The following BCAS3 variants were observed in gnomAD, a reference collection of about 807,000 sequenced individuals.
BCAS3 encodes the protein BCAS3 microtubule associated cell migration factor.
In BCAS3, 53 loss-of-function variants were observed where a neutral mutation model predicts 116.1. That is an observed-to-expected ratio of 0.46 (90% CI 0.37 to 0.57). The LOEUF (loss-of-function observed/expected upper bound fraction) is 0.57, where lower values mean the gene tolerates loss of function less well. BCAS3 is among the 20% of genes least tolerant of loss of function. The probability of loss-of-function intolerance (pLI) is 0.00; values close to 1 mark genes in which losing one functional copy is unlikely to be tolerated. For synonymous variants in BCAS3, 391 were observed against 408.2 expected, an observed-to-expected ratio of 0.96 and a Z score of 0.51; for missense variants, 917 against 1,165.4, an observed-to-expected ratio of 0.79 and a Z score of 3.10.
rs113341040 is a variant in BCAS3 at position 61,250,711 on chromosome 17, A to G, written c.2426-117616A>G. Among the ~76,000 whole-genome samples the G allele has an allele frequency of 2.1e-3, 319 of 152,274 alleles. 2 individuals are homozygous for G. Among genetic ancestry groups the G allele is most frequent in the African/African-American group, 7.3e-3 (302 of 41,554 alleles). ...CCCATGTACATGCTGTGAGTATGTG[A>G]CCTAGAAACCAGGCTTTTTTAAGCT... On this transcript the variant is annotated intron_variant, in intron 22 of 23. Transcript: ENST00000407086.
In BCAS3 at chr17:61,339,383, A is replaced by T. The variant is rs2056973740; in HGVS notation, c.2426-28944A>T. ...ATGGGAAGGCCCATGAAGCCGCCTA[A>T]AGGAGCTCAAACTAGCATTTCCCTT... On this transcript the variant is annotated intron_variant, in intron 22 of 23. Coordinates refer to ENST00000407086, the MANE Select transcript of BCAS3 (RefSeq NM_017679.5). The surrounding 1 kb of genome is among the most constrained non-coding windows in gnomAD (Gnocchi z 4.4). Among the ~76,000 whole-genome samples the T allele has an allele frequency of 6.6e-6, 1 of 152,188 alleles. No homozygotes were observed. The highest frequency in any genetic ancestry group is 6.5e-5 in the Admixed American group (1 of 15,278).
chr17:60,973,533 G>A (rs949412097), intron 14 of BCAS3, among the ~76,000 whole-genome samples: 10 of 150,350 alleles, frequency 6.7e-5, no homozygotes, highest in African/African-American at 9.9e-5. Flanking sequence ...GCCCTTTTTC[G>A]TCAGTGCTCT....
intron 5 of BCAS3, among the ~76,000 whole-genome samples, chr17:60,717,632 C>T (rs1244463764): frequency 3.3e-5 from 5 of 152,102 alleles, no homozygotes; most frequent in Non-Finnish European, 2.9e-5. Context: ...GCTTTGTTTT[C>T]GCCCTTGTAA....
chr17:60,845,641 T>G (rs1305845905), intron 7 of BCAS3, among the ~76,000 whole-genome samples: 1 of 152,196 alleles, frequency 6.6e-6, no homozygotes, highest in Non-Finnish European at 1.5e-5. Flanking sequence ...ATTATTGGCT[T>G]AAAGAAGATC....
At position 61,356,230 on chromosome 17, in the gene BCAS3, G is replaced by A. The variant is rs1025459161; in HGVS notation, c.2426-12097G>A. Among the ~76,000 whole-genome samples, 2 of 152,222 alleles carry A rather than the reference G, an allele frequency of 1.3e-5. No homozygotes were observed. The highest frequency in any genetic ancestry group is 4.8e-5 in the African/African-American group (2 of 41,456). ...GCTGGTCTCGAACTCCTGACCTCAG[G>A]TGATCCACACGCCTCGGCCTCCCAA... is the stretch of plus-strand genomic sequence containing the variant. On this transcript the variant is annotated intron_variant, in intron 22 of 23. Coordinates refer to ENST00000407086, the MANE Select transcript of BCAS3 (RefSeq NM_017679.5). This position sits in a 1 kb window ranked among gnomAD's most constrained non-coding sequence, Gnocchi z 5.4.
chr17:60,847,700 C>T (rs2144788241), intron 7 of BCAS3, among the ~76,000 whole-genome samples: 1 of 151,990 alleles, frequency 6.6e-6, no homozygotes, highest in South Asian at 2.1e-4. Context: ...TGTTTGGCTT[C>T]TTGTTGAATT....
intron 23 of BCAS3, chr17:61,382,743 T>C (rs2059668461): frequency 6.6e-6 from 1 of 151,472 alleles, no homozygotes; most frequent in Admixed American, 6.6e-5. Context: ...TAGGGGAAGG[T>C]GAATGGAACC....
chr17:61,055,683 C>T (rs1205768655), intron 19 of BCAS3, among the ~76,000 whole-genome samples: 2 of 152,198 alleles, frequency 1.3e-5, no homozygotes, highest in Non-Finnish European at 2.9e-5. Context: ...AATACACAGC[C>T]TTGTGCCAAA....
At chr17:60,931,219 A>G (rs759834196) in intron 13 of BCAS3, among the ~76,000 whole-genome samples, 5 of 152,338 alleles carry the variant, frequency 3.3e-5, no homozygotes, top group Non-Finnish European at 5.9e-5. Flanking sequence ...TGTTGCTCTC[A>G]GGGACAAAGT....
intron 6 of BCAS3, among the ~76,000 whole-genome samples, chr17:60,785,419 A>C (rs767015317): frequency 8.5e-5 from 13 of 152,134 alleles, no homozygotes; most frequent in Non-Finnish European, 1.3e-4. Flanking sequence ...TTGGCCTCCC[A>C]AAGTGCTGGG....
chr17:61,193,753 A>G (rs1388964549), intron 22 of BCAS3, among the ~76,000 whole-genome samples: 1 of 77,560 alleles, frequency 1.3e-5, no homozygotes, highest in Non-Finnish European at 2.7e-5. Flanking sequence ...GCGAAACTCC[A>G]TCTCAAAAAA....
chr17:60,760,787 T>C (rs1451417981), intron 6 of BCAS3, among the ~76,000 whole-genome samples: 1 of 152,204 alleles, frequency 6.6e-6, no homozygotes, highest in African/African-American at 2.4e-5. Context: ...TCTAACATTT[T>C]GTTAAATAGG....
At position 61,300,703 on chromosome 17, in the gene BCAS3, CT is replaced by C. The variant is rs908422471; in HGVS notation, c.2426-67617del. ...TAGCTGAAAATAGGGAAAAGAATAC[CT>C]TTTTTTCCCTCATCACCTACCACAG... On this transcript the variant is annotated intron_variant, in intron 22 of 23. Transcript: ENST00000407086. This position sits in a 1 kb window ranked among gnomAD's most constrained non-coding sequence, Gnocchi z 5.1. 6.6e-6 allele frequency among the ~76,000 whole-genome samples: 1 copy of C among 152,096 alleles called. No individual in the cohort carries two copies. The highest frequency in any genetic ancestry group is 2.4e-5 in the African/African-American group (1 of 41,422).
chr17:61,310,282 A>C (rs2054192964), intron 22 of BCAS3, among the ~76,000 whole-genome samples: 3 of 152,214 alleles, frequency 2.0e-5, no homozygotes, highest in Admixed American at 2.0e-4. Context: ...GGCCAGGTAC[A>C]GTGGCTCACG....
At chr17:60,830,294 A>G (rs1271073246) in intron 7 of BCAS3, among the ~76,000 whole-genome samples, 1 of 152,082 alleles carries the variant, frequency 6.6e-6, no homozygotes, top group African/African-American at 2.4e-5. Flanking sequence ...CAGCCTGAAC[A>G]CTTTTAAATA....
At chr17:60,919,517 G>T (rs1346649955) in intron 12 of BCAS3, among the ~76,000 whole-genome samples, 2 of 152,146 alleles carry the variant, frequency 1.3e-5, no homozygotes, top group East Asian at 3.9e-4. Flanking sequence ...TAGAGACGAG[G>T]TTTCACCATG....
chr17:60,774,051 C>T (rs1457660246), intron 6 of BCAS3, among the ~76,000 whole-genome samples: 1 of 152,126 alleles, frequency 6.6e-6, no homozygotes, highest in Admixed American at 6.6e-5. Context: ...CTTTACAATG[C>T]CTTTTACAAA....
chr17:61,058,671 C>T (rs1272200764), intron 19 of BCAS3, among the ~76,000 whole-genome samples: 1 of 152,130 alleles, frequency 6.6e-6, no homozygotes, highest in Non-Finnish European at 1.5e-5. Context: ...ATGTCTGTAA[C>T]CTTGTGTTGT....
Position 61,181,759 on chromosome 17 carries a change from G to A in BCAS3, c.2425+97195G>A, listed in dbSNP as rs1056065057. On this transcript the variant is annotated intron_variant, in intron 22 of 23. Transcript: ENST00000407086. The surrounding 1 kb of genome is among the most constrained non-coding windows in gnomAD (Gnocchi z 5.0). ...ACCATGATTTTTTTCATTGTCTGCT[G>A]TAACTAAGTTTGCCTTTATTCTTGA... Among the ~76,000 whole-genome samples, 2 of 152,116 alleles carry A rather than the reference G, an allele frequency of 1.3e-5. No individual in the cohort carries two copies. Among genetic ancestry groups the A allele is most frequent in the Admixed American group, 1.3e-4 (2 of 15,284 alleles).
Sources: allele counts gnomAD v4.1 joint callset (sites outside exome capture counted in the v4.1 genomes callset), GRCh38; gene constraint gnomAD v4.1.1; non-coding constraint Gnocchi (gnomAD v3.1); transcripts MANE v1.5; gene names NCBI Gene and HGNC (gene_info 2026-07-23, HGNC 2026-07-21).